KCNH7: variants seen among roughly 807,000 people sequenced by gnomAD.
The protein encoded by KCNH7 is voltage-gated inwardly rectifying potassium channel KCNH7.
A neutral mutation model predicts 120.8 loss-of-function variants in KCNH7; 49 were observed. The ratio of observed to expected loss-of-function variants is 0.41; its 90% CI spans 0.32 to 0.51. The LOEUF (loss-of-function observed/expected upper bound fraction) is 0.51, where lower values mean the gene tolerates loss of function less well. Ranked by LOEUF, KCNH7 falls within the 20% of genes least tolerant of loss-of-function variation. KCNH7 has a pLI of 0.38. For missense variants in KCNH7, 1,097 were observed against 1,446.6 expected, an observed-to-expected ratio of 0.76 and a Z score of 3.92; for synonymous variants, 547 against 516.1, an observed-to-expected ratio of 1.06 and a Z score of -0.81.
At chr2:162,569,700 A>C (rs1373199270) in intron 2 of KCNH7, among the ~76,000 whole-genome samples, 1 of 151,696 alleles carries the variant, frequency 6.6e-6, no homozygotes, top group Non-Finnish European at 1.5e-5. Context: ...CATTGCTTTG[A>C]ATGCATCCCA....
At chr2:162,643,960 C>CCA (rs1684260109) in intron 2 of KCNH7, among the ~76,000 whole-genome samples, 1 of 151,866 alleles carries the variant, frequency 6.6e-6, no homozygotes, top group Non-Finnish European at 1.5e-5. Flanking sequence ...AGTTCTAACT[C>CCA]GTTATTTAGT....
At chr2:162,748,721 T>C (rs1057462192) in intron 2 of KCNH7, among the ~76,000 whole-genome samples, 2 of 152,156 alleles carry the variant, frequency 1.3e-5, no homozygotes, top group Non-Finnish European at 2.9e-5. Context: ...CCAATGACTC[T>C]AAAGATTATG....
intron 2 of KCNH7, among the ~76,000 whole-genome samples, chr2:162,614,658 C>T (rs1047707520): frequency 6.7e-6 from 1 of 149,174 alleles, no homozygotes; most frequent in African/African-American, 2.4e-5. Context: ...AATTTTGATG[C>T]TATGCTTTCC....
chr2:162,706,190 A>G (rs1385546370), intron 2 of KCNH7, among the ~76,000 whole-genome samples: 1 of 152,068 alleles, frequency 6.6e-6, no homozygotes, highest in Non-Finnish European at 1.5e-5. Context: ...AACCTAGTAA[A>G]CCTTGGAGAC....
At chr2:162,704,213 T>C (rs546279236) in intron 2 of KCNH7, among the ~76,000 whole-genome samples, 4 of 152,240 alleles carry the variant, frequency 2.6e-5, no homozygotes, top group Non-Finnish European at 2.9e-5. Context: ...AATCACATAA[T>C]ATTTCCTATG....
chr2:162,507,517 T>C (rs966798409), intron 5 of KCNH7, among the ~76,000 whole-genome samples: 3 of 151,632 alleles, frequency 2.0e-5, no homozygotes, highest in Admixed American at 2.0e-4. Flanking sequence ...AACTTCTCTA[T>C]AATGTCTCAA....
intron 4 of KCNH7, among the ~76,000 whole-genome samples, chr2:162,514,077 C>G (rs937492831): frequency 6.6e-6 from 1 of 151,770 alleles, no homozygotes; most frequent in South Asian, 2.1e-4. Context: ...ATCTGTTCAG[C>G]ATTTTGTTGA....
chr2:162,530,253 T>C (rs959549405), intron 3 of KCNH7, among the ~76,000 whole-genome samples: 2 of 152,024 alleles, frequency 1.3e-5, no homozygotes, highest in African/African-American at 2.4e-5. Context: ...TTCCCTCCTT[T>C]TCTTTTACTT....
chr2:162,829,714 CAT>C (rs1404760145), intron 2 of KCNH7, among the ~76,000 whole-genome samples: 2 of 151,780 alleles, frequency 1.3e-5, no homozygotes, highest in African/African-American at 4.8e-5. Context: ...CTAAACAAAA[CAT>C]ATAGCCATTA....
chr2:162,755,321 A>T (rs1245514776), intron 2 of KCNH7, among the ~76,000 whole-genome samples: 1 of 152,048 alleles, frequency 6.6e-6, no homozygotes, highest in Non-Finnish European at 1.5e-5. Flanking sequence ...ATACAAAAAA[A>T]ATTAGCCAGG....
intron 2 of KCNH7, among the ~76,000 whole-genome samples, chr2:162,834,317 GTCAT>G (rs561860764): frequency 6.2e-4 from 94 of 151,828 alleles, no homozygotes; most frequent in Middle Eastern, 3.4e-3. Context: ...GTTTAAAAAG[GTCAT>G]TCAAACTAAT....
Position 162,716,516 on chromosome 2 carries a change from G to C in KCNH7, c.307+120021C>G, listed in dbSNP as rs1687129915. Among the ~76,000 whole-genome samples the C allele has an allele frequency of 2.0e-5, 3 of 152,124 alleles. No homozygotes were observed. The South Asian group carries it at 6.2e-4, about 31-fold the overall frequency. ...TTCTTTCATCTCTGTTTCCTAGATTGCTGAGTGCTTTACATTAGCACGATC... is the reference window on the plus strand; with the variant it reads ...TTCTTTCATCTCTGTTTCCTAGATTCCTGAGTGCTTTACATTAGCACGATC... On this transcript the variant is annotated intron_variant, in intron 2 of 15. Transcript: ENST00000332142.
At chr2:162,500,488 C>T (rs1316864391) in intron 6 of KCNH7, among the ~76,000 whole-genome samples, 1 of 151,560 alleles carries the variant, frequency 6.6e-6, no homozygotes, top group Non-Finnish European at 1.5e-5. Flanking sequence ...GAAGATGACT[C>T]TAACTGAGGA....
intron 2 of KCNH7, among the ~76,000 whole-genome samples, chr2:162,727,088 A>G (rs962479213): frequency 1.4e-4 from 21 of 152,174 alleles, no homozygotes; most frequent in African/African-American, 5.1e-4. Context: ...CAAATTTAGC[A>G]CTACAGAGTT....
chr2:162,803,345 A>C (rs529993917), intron 2 of KCNH7, among the ~76,000 whole-genome samples: 105 of 151,952 alleles, frequency 6.9e-4, no homozygotes, highest in African/African-American at 2.3e-3. Context: ...TAAACTAATC[A>C]TGTCTACAAT....
At chr2:162,457,989 A>G (rs1307566342) in intron 6 of KCNH7, among the ~76,000 whole-genome samples, 1 of 152,172 alleles carries the variant, frequency 6.6e-6, no homozygotes, top group Non-Finnish European at 1.5e-5. Flanking sequence ...GATGTCACAT[A>G]GGAAGTCATT....
At chr2:162,529,313 A>C (rs1691832853) in intron 3 of KCNH7, among the ~76,000 whole-genome samples, 1 of 152,000 alleles carries the variant, frequency 6.6e-6, no homozygotes, top group Non-Finnish European at 1.5e-5. Flanking sequence ...GAGGAACAAC[A>C]AATGGTACTG....
At chr2:162,647,526 G>T (rs528261705) in intron 2 of KCNH7, among the ~76,000 whole-genome samples, 32 of 152,148 alleles carry the variant, frequency 2.1e-4, no homozygotes, top group Non-Finnish European at 1.5e-4. Flanking sequence ...CACATGTCAA[G>T]GGCAGGGCCA....
intron 2 of KCNH7, among the ~76,000 whole-genome samples, chr2:162,664,734 G>T (rs562745739): frequency 1.3e-5 from 2 of 152,204 alleles, no homozygotes; most frequent in East Asian, 3.9e-4. Context: ...AGGTAGGGAT[G>T]GGCAATATTG....
Sources: gnomAD v4.1 joint callset for allele counts (sites outside exome capture counted in the v4.1 genomes callset) on GRCh38, gnomAD v4.1.1 for gene constraint, MANE v1.5 for transcripts, NCBI Gene and HGNC (gene_info 2026-07-23, HGNC 2026-07-21) for gene names.